ANGPT2: variants seen among roughly 807,000 people sequenced by gnomAD.
The protein encoded by ANGPT2 is angiopoietin-2.
A neutral mutation model predicts 62.9 loss-of-function variants in ANGPT2; 28 were observed. The ratio of observed to expected loss-of-function variants is 0.44; its 90% CI spans 0.33 to 0.61. The LOEUF is 0.61. Among genes scored for constraint, ANGPT2 ranks in the 20% least tolerant of loss-of-function variants. The pLI is 0.03. For synonymous variants in ANGPT2, 284 were observed against 207.8 expected (o/e 1.37, Z -3.15); for missense variants, 727 against 594.9 (o/e 1.22, Z -2.31).
chr8:6,545,996 A>G (rs1467986187), intron 1 of ANGPT2, among the ~76,000 whole-genome samples: 2 of 152,260 alleles, frequency 1.3e-5, no homozygotes, highest in Non-Finnish European at 2.9e-5. Flanking sequence ...AGCCATTGTC[A>G]TTACAGATTC....
intron 3 of ANGPT2, among the ~76,000 whole-genome samples, chr8:6,524,797 A>T (rs1818021369): frequency 1.3e-5 from 2 of 152,256 alleles, no homozygotes; most frequent in South Asian, 4.1e-4. Flanking sequence ...AAGTTATCAC[A>T]GGGAATACAT....
Position 6,521,533 on chromosome 8 carries a change from T to C in ANGPT2, c.567-123A>G, listed in dbSNP as rs1482919407. 4.1e-6 allele frequency: 3 copies of C among 727,196 alleles called. No homozygotes were observed. In the African/African-American group the frequency reaches 5.3e-5, roughly 13 times the overall value. 45.0% of individuals were successfully genotyped at this position (727,196 alleles called of 1,614,324 possible). ...TTGTAGTGGTTATAAAGTAATATGATGTTACCAGAGCCCTAAGGAATCTCT... is the reference window on the plus strand; with the variant it reads ...TTGTAGTGGTTATAAAGTAATATGACGTTACCAGAGCCCTAAGGAATCTCT... On this transcript the variant is annotated intron_variant, in intron 3 of 8. Coordinates refer to ENST00000629816, the MANE Select transcript of ANGPT2 (RefSeq NM_001118887.2).
At chr8:6,540,354 G>C (rs891259191) in intron 1 of ANGPT2, among the ~76,000 whole-genome samples, 40 of 152,188 alleles carry the variant, frequency 2.6e-4, no homozygotes, top group Middle Eastern at 6.8e-3. Context: ...TCAATAGCAG[G>C]CATTTTAAAT....
At chr8:6,505,408 ATTC>A (rs1170939548) in intron 8 of ANGPT2, among the ~76,000 whole-genome samples, 1 of 82,604 alleles carries the variant, frequency 1.2e-5, no homozygotes, top group Non-Finnish European at 2.5e-5. Flanking sequence ...GAATATATAT[ATTC>A]TTTATATACA....
Position 6,523,274 on chromosome 8 carries a change from G to A in ANGPT2, c.567-1864C>T, listed in dbSNP as rs935506834. Among the ~76,000 whole-genome samples the A allele has an allele frequency of 6.8e-4, 103 of 152,122 alleles. 1 individual carries two copies. Among genetic ancestry groups the A allele is most frequent in the Admixed American group, 6.6e-3 (101 of 15,276 alleles). On this transcript the variant is annotated intron_variant, in intron 3 of 8. Transcript: ENST00000629816. ...TGCCTCCCAAAGTGCTGGGATTACAGGCATGAGCCACCACGCCTGGCAGAA... is the reference window on the plus strand; with the variant it reads ...TGCCTCCCAAAGTGCTGGGATTACAAGCATGAGCCACCACGCCTGGCAGAA...
chr8:6,557,727 A>C (rs1235667854), intron 1 of ANGPT2, among the ~76,000 whole-genome samples: 1 of 152,080 alleles, frequency 6.6e-6, no homozygotes, highest in Admixed American at 6.6e-5. Flanking sequence ...ACATATATAC[A>C]GGGAGAGATA....
chr8:6,507,055 G>A (rs553653976), intron 8 of ANGPT2, among the ~76,000 whole-genome samples: 3 of 152,062 alleles, frequency 2.0e-5, no homozygotes, highest in East Asian at 1.9e-4. Flanking sequence ...ATGCCACCAC[G>A]CCTGGCTAAT....
intron 2 of ANGPT2, among the ~76,000 whole-genome samples, chr8:6,530,417 G>A (rs2922885): frequency 1.3e-5 from 2 of 150,086 alleles, no homozygotes; most frequent in East Asian, 2.0e-4. Flanking sequence ...GCTAAGGCAC[G>A]AGAATCGCTT....
chr8:6,523,651 G>A lies in ANGPT2; in HGVS notation c.567-2241C>T, dbSNP rs1011849996. Among the ~76,000 whole-genome samples, 8 of 152,104 alleles carry A rather than the reference G, an allele frequency of 5.3e-5. No homozygotes were observed. In the East Asian group the frequency reaches 1.4e-3, roughly 26 times the overall value. On this transcript the variant is annotated intron_variant, in intron 3 of 8. Transcript: ENST00000629816. ...GTGGCCTGGGCTGTTGTGCAGTGGC[G>A]CGATCTCAGCTCGCTGCAACCTCCG...
chr8:6,508,826 T>A, intron 8 of ANGPT2, 106 bp downstream of exon 8: 1 of 1,485,890 alleles, frequency 6.7e-7, no homozygotes. Context: ...CGTATGAAAT[T>A]GTGGACATCG....
intron 1 of ANGPT2, 142 bp downstream of exon 1, chr8:6,562,504 AG>A (rs1825683890): frequency 1.6e-6 from 1 of 636,052 alleles, no homozygotes. Flanking sequence ...CTTTCATTTG[AG>A]GGTACCAGCA....
chr8:6,544,175 C>G (rs548170850), intron 1 of ANGPT2, among the ~76,000 whole-genome samples: 1 of 152,162 alleles, frequency 6.6e-6, no homozygotes, highest in African/African-American at 2.4e-5. Context: ...GTAACAAGTA[C>G]GAATCAACAT....
At chr8:6,537,450 T>C (rs1005007862) in intron 1 of ANGPT2, among the ~76,000 whole-genome samples, 1 of 152,120 alleles carries the variant, frequency 6.6e-6, no homozygotes, top group Non-Finnish European at 1.5e-5. Context: ...CTTAGTGTTA[T>C]TTGATTTGCT....
intron 1 of ANGPT2, among the ~76,000 whole-genome samples, chr8:6,551,613 T>C (rs531853182): frequency 3.3e-5 from 5 of 152,222 alleles, no homozygotes; most frequent in Non-Finnish European, 7.3e-5. Flanking sequence ...TAAGAACATG[T>C]CACTGGTGCA....
At chr8:6,555,150 C>T (rs1483105837) in intron 1 of ANGPT2, among the ~76,000 whole-genome samples, 1 of 152,068 alleles carries the variant, frequency 6.6e-6, no homozygotes, top group Non-Finnish European at 1.5e-5. Context: ...CATTCAACTT[C>T]ACATCATTTT....
chr8:6,521,326 C>A lies in ANGPT2; in HGVS notation c.651G>T (p.Gln217His), dbSNP rs773025622. 6.2e-7 allele frequency: 1 copy of A among 1,613,796 alleles called. No individual in the cohort carries two copies. The highest frequency in any genetic ancestry group is 1.1e-5 in the South Asian group (1 of 91,078). The stretch of plus-strand genomic sequence containing the variant: ...TGGAATTTTGCTTGGATACTAACAC[C>A]TGTAGCTGATCTTTCTCTTCTTTTA... Reference protein sequence around the residue: ...QSIKEEKDQLQVLVSKQNSII... With the variant: ...QSIKEEKDQLHVLVSKQNSII... Residue 217 changes from glutamine (Q) to histidine (H), a missense_variant, in exon 4 of 9, where the codon CAG (glutamine) becomes CAT (histidine). Gln to His is a conservative substitution (Grantham distance 24, BLOSUM62 0). Coordinates refer to ENST00000629816, the MANE Select transcript of ANGPT2 (RefSeq NM_001118887.2).
At chr8:6,524,704 C>G (rs1818006657) in intron 3 of ANGPT2, among the ~76,000 whole-genome samples, 1 of 152,192 alleles carries the variant, frequency 6.6e-6, no homozygotes, top group African/African-American at 2.4e-5. Flanking sequence ...ATGGTCTTCA[C>G]ATCATCAAGC....
chr8:6,518,034 A>G (rs1442332480), intron 5 of ANGPT2, among the ~76,000 whole-genome samples: 1 of 151,942 alleles, frequency 6.6e-6, no homozygotes, highest in African/African-American at 2.4e-5. Context: ...ATAATCCCAG[A>G]GTACTATATA....
At chr8:6,531,435 C>A (rs1157850090) in intron 2 of ANGPT2, among the ~76,000 whole-genome samples, 2 of 152,036 alleles carry the variant, frequency 1.3e-5, no homozygotes, top group African/African-American at 2.4e-5. Context: ...ATTGCAGATG[C>A]CCGCCACCAC....
Sources: gnomAD v4.1 joint callset for allele counts (sites outside exome capture counted in the v4.1 genomes callset) on GRCh38, gnomAD v4.1.1 for gene constraint, MANE v1.5 for transcripts, NCBI Gene and HGNC (gene_info 2026-07-23, HGNC 2026-07-21) for gene names.